The following THSD4 variants were observed in gnomAD, a reference collection of about 807,000 sequenced individuals.
THSD4 encodes the protein thrombospondin type-1 domain-containing protein 4.
In THSD4, 69 loss-of-function variants were observed where a neutral mutation model predicts 119.0. The ratio of observed to expected loss-of-function variants is 0.58; its 90% confidence interval spans 0.48 to 0.71. THSD4 has a LOEUF of 0.71. THSD4 is among the 30% of genes least tolerant of loss of function. THSD4 has a pLI of 0.00. For missense variants in THSD4, 1,393 were observed against 1,391.1 expected (o/e 1.00, Z -0.02); for synonymous variants, 524 against 540.4 (o/e 0.97, Z 0.42).
At chr15:71,400,294 C>A (rs1393945743) in intron 6 of THSD4, among the ~76,000 whole-genome samples, 1 of 152,122 alleles carries the variant, frequency 6.6e-6, no homozygotes, top group Non-Finnish European at 1.5e-5. Flanking sequence ...AAAACCTTTT[C>A]TTTTTCAGAA....
chr15:71,529,547 T>A (rs2048578788), intron 7 of THSD4, among the ~76,000 whole-genome samples: 1 of 152,218 alleles, frequency 6.6e-6, no homozygotes, highest in South Asian at 2.1e-4. Context: ...CTGGGGTTAG[T>A]GATTAACTAC....
At chr15:71,506,257 T>G (rs1361324824) in intron 7 of THSD4, among the ~76,000 whole-genome samples, 1 of 152,182 alleles carries the variant, frequency 6.6e-6, no homozygotes, top group Non-Finnish European at 1.5e-5. Flanking sequence ...TTTGGTTTTT[T>G]TCCTTCTGTA....
rs564027144 is a variant in THSD4 at position 71,491,398 on chromosome 15, G to A, written c.1152+79575G>A. The stretch of plus-strand genomic sequence containing the variant: ...TGGGAGATAATTAGGATTAGCTCAG[G>A]TCATGAGGGTGGGGCATTAATGGTT... On this transcript the variant is annotated intron_variant, in intron 7 of 17. Transcript: ENST00000261862. Among the ~76,000 whole-genome samples the A allele has an allele frequency of 2.0e-5, 3 of 152,300 alleles. No individual in the cohort carries two copies. In the South Asian group the frequency reaches 6.2e-4, roughly 32 times the overall value.
At chr15:71,486,715 G>T (rs969998591) in intron 7 of THSD4, among the ~76,000 whole-genome samples, 1 of 149,766 alleles carries the variant, frequency 6.7e-6, no homozygotes, top group East Asian at 2.0e-4. Context: ...CCCCTTATCT[G>T]CAGCTCCCGG....
At chr15:71,593,597 G>A (rs1471885608) in intron 7 of THSD4, among the ~76,000 whole-genome samples, 3 of 152,006 alleles carry the variant, frequency 2.0e-5, no homozygotes, top group Non-Finnish European at 2.9e-5. Context: ...GTGTTTGGAT[G>A]CAAATTCTTA....
At chr15:71,413,154 G>C (rs1229371465) in intron 7 of THSD4, among the ~76,000 whole-genome samples, 3 of 152,138 alleles carry the variant, frequency 2.0e-5, no homozygotes, top group African/African-American at 7.2e-5. Context: ...TGGGATTACA[G>C]GCTCACGCCA....
At chr15:71,697,907 T>A (rs2052198015) in intron 8 of THSD4, among the ~76,000 whole-genome samples, 1 of 149,656 alleles carries the variant, frequency 6.7e-6, no homozygotes, top group South Asian at 2.1e-4. Flanking sequence ...GGGAACATGG[T>A]AGAAATAATC....
chr15:71,643,153 G>C (rs2050898491), intron 7 of THSD4, among the ~76,000 whole-genome samples: 2 of 151,986 alleles, frequency 1.3e-5, no homozygotes, highest in African/African-American at 4.8e-5. Context: ...CATTTTTAAA[G>C]TGCCCATGCA....
chr15:71,731,150 G>A lies in THSD4; in HGVS notation c.1563G>A (p.Val521=). 3 of 1,614,160 alleles carry A rather than the reference G, an allele frequency of 1.9e-6. No individual in the cohort carries two copies. Among genetic ancestry groups the A allele is most frequent in the Non-Finnish European group, 2.5e-6 (3 of 1,180,026 alleles). Residue 521 remains valine (V), a synonymous_variant, in exon 10 of 18, where the codon GTG becomes GTA. Transcript: ENST00000261862. ...YMIHQQPNPG[V]HYEYVIMGTN... ...TACACCAGCAGCCAAACCCAGGCGT[G>A]CACTACGAGTACGTGATCATGGGGA...
chr15:71,744,676 A>G (rs1456068623), intron 11 of THSD4, among the ~76,000 whole-genome samples: 1 of 152,184 alleles, frequency 6.6e-6, no homozygotes, highest in Non-Finnish European at 1.5e-5. Context: ...TTCTTTCTCT[A>G]GAACGAAGCT....
At chr15:71,749,536 G>A (rs879845956) in intron 14 of THSD4, among the ~76,000 whole-genome samples, 5 of 152,058 alleles carry the variant, frequency 3.3e-5, no homozygotes, top group Admixed American at 1.3e-4. Context: ...CCTACCTCTC[G>A]GATACACTAG....
At chr15:71,335,770 T>A (rs1183252703) in intron 6 of THSD4, among the ~76,000 whole-genome samples, 4 of 152,184 alleles carry the variant, frequency 2.6e-5, no homozygotes, top group Non-Finnish European at 5.9e-5. Flanking sequence ...TTTCTGGCTG[T>A]TTCTTTTAAC....
intron 8 of THSD4, among the ~76,000 whole-genome samples, chr15:71,704,321 A>G (rs541986545): frequency 2.0e-3 from 300 of 152,332 alleles, no homozygotes; most frequent in African/African-American, 6.7e-3. Context: ...TGTAGCTCCC[A>G]TAATTCCCAC....
At chr15:71,533,558 G>T (rs2048646798) in intron 7 of THSD4, among the ~76,000 whole-genome samples, 2 of 152,132 alleles carry the variant, frequency 1.3e-5, no homozygotes, top group Non-Finnish European at 2.9e-5. Flanking sequence ...TCACCATTAT[G>T]AACAATACCA....
At chr15:71,348,477 A>G (rs1301693074) in intron 6 of THSD4, 1 of 152,128 alleles carries the variant, frequency 6.6e-6, no homozygotes, top group Non-Finnish European at 1.5e-5. Flanking sequence ...GCTCACCATG[A>G]CCTGTACATC....
At chr15:71,307,200 C>T (rs943785878) in intron 6 of THSD4, among the ~76,000 whole-genome samples, 9 of 152,196 alleles carry the variant, frequency 5.9e-5, no homozygotes, top group South Asian at 2.1e-4. Flanking sequence ...TCACTAGCCA[C>T]GTGTTAAGGC....
intron 7 of THSD4, among the ~76,000 whole-genome samples, chr15:71,525,688 G>A (rs981639725): frequency 6.6e-6 from 1 of 152,228 alleles, no homozygotes; most frequent in Admixed American, 6.5e-5. Context: ...GAAACAGGAC[G>A]CAGATGAAGA....
chr15:71,729,354 C>T (rs1415783433), intron 9 of THSD4: 2 of 152,360 alleles, frequency 1.3e-5, no homozygotes, highest in African/African-American at 4.8e-5. Flanking sequence ...AGAATTCAAT[C>T]TTCTTAAAAG....
At chr15:71,268,277 A>G (rs2044486103) in intron 6 of THSD4, among the ~76,000 whole-genome samples, 1 of 152,224 alleles carries the variant, frequency 6.6e-6, no homozygotes, top group South Asian at 2.1e-4. Context: ...CAGTGCAATC[A>G]AAATAGAACT....
Sources: allele counts gnomAD v4.1 joint callset (sites outside exome capture counted in the v4.1 genomes callset), GRCh38; gene constraint gnomAD v4.1.1; transcripts MANE v1.5; gene names NCBI Gene and HGNC (gene_info 2026-07-23, HGNC 2026-07-21).